Variants in PLXND1 observed in about 807,000 individuals in gnomAD.
PLXND1 encodes plexin D1, also known as plexin-D1.
PLXND1 carries 54 observed loss-of-function variants against 197.7 expected under a neutral mutation model. The observed-to-expected ratio is 0.27, with a 90% CI of 0.22 to 0.34. PLXND1 has a LOEUF of 0.34. Ranked by LOEUF, PLXND1 falls within the 10% of genes least tolerant of loss-of-function variation. The pLI is 1.00. For missense variants in PLXND1, 2,127 were observed against 2,699.2 expected (o/e 0.79, Z 4.70); for synonymous variants, 1,180 against 1,161.2 (o/e 1.02, Z -0.33).
intron 8 of PLXND1, among the ~76,000 whole-genome samples, chr3:129,582,202 G>A (rs140816861): frequency 1.3e-5 from 2 of 152,396 alleles, no homozygotes; most frequent in African/African-American, 4.8e-5. Flanking sequence ...GAGGTGCTGC[G>A]CACTGCGAGC....
chr3:129,594,869 TA>T (rs34247242), intron 1 of PLXND1, among the ~76,000 whole-genome samples: 42 of 145,578 alleles, frequency 2.9e-4, no homozygotes, highest in South Asian at 4.3e-4. Context: ...GTTTATTTTG[TA>T]AAAAAAAAAA....
chr3:129,604,370 T>G (rs942383920), intron 1 of PLXND1, among the ~76,000 whole-genome samples: 4 of 152,242 alleles, frequency 2.6e-5, no homozygotes, highest in Non-Finnish European at 5.9e-5. Flanking sequence ...ACACAGATGC[T>G]GAGGCCAGAC....
intron 8 of PLXND1, among the ~76,000 whole-genome samples, chr3:129,579,144 T>A (rs538288580): frequency 6.8e-6 from 1 of 148,034 alleles, no homozygotes; most frequent in Non-Finnish European, 1.5e-5. Flanking sequence ...AGCTGCTTCA[T>A]GGAACGAAAG....
intron 1 of PLXND1, 143 bp from the exon 2 acceptor site, chr3:129,589,670 C>G: frequency 1.4e-6 from 1 of 717,810 alleles, no homozygotes; most frequent in Non-Finnish European, 2.2e-6. Context: ...CAGCTGAGGC[C>G]CAAACACAAA....
At chr3:129,561,393 C>G (rs1409154698) in intron 29 of PLXND1, among the ~76,000 whole-genome samples, 3 of 152,228 alleles carry the variant, frequency 2.0e-5, no homozygotes, top group African/African-American at 7.2e-5. Flanking sequence ...CTGCCCAGAC[C>G]TCCTGGAACT....
chr3:129,570,415 T>C (rs2625975), intron 19 of PLXND1, among the ~76,000 whole-genome samples: 39,155 of 151,858 alleles, frequency 0.26, 5,195 homozygotes, highest in East Asian at 0.38. Flanking sequence ...GAGAGTGAGC[T>C]CCCCATCCCA....
chr3:129,565,005 A>AG (rs2085117372), intron 25 of PLXND1, among the ~76,000 whole-genome samples: 1 of 152,232 alleles, frequency 6.6e-6, no homozygotes, highest in South Asian at 2.1e-4. Context: ...GAGAGCCTCA[A>AG]GGGCCAGCCA....
chr3:129,584,266 G>A, intron 6 of PLXND1, 33 bp from the exon 7 acceptor site: 1 of 1,591,456 alleles, frequency 6.3e-7, no homozygotes, highest in Non-Finnish European at 8.6e-7. Flanking sequence ...GGGAGGACAT[G>A]GGGGCAGGGG....
Position 129,605,689 on chromosome 3 carries a change from C to T in PLXND1, c.951G>A (p.Leu317=), listed in dbSNP as rs974290367. ...AGDKESQARS[L]LARICLPHGA... is the part of the protein sequence containing the mutation. ...CGTGGGGCAGGCAGATGCGCGCCAG[C>T]AGGCTCCGCGCCTGGCTCTCCTTGT... Residue 317 remains leucine, a synonymous_variant, in exon 1 of 36, where the codon CTG becomes CTA. Coordinates refer to ENST00000324093, the MANE Select transcript of PLXND1 (RefSeq NM_015103.3). The T allele has an allele frequency of 1.2e-5, 19 of 1,538,156 alleles. No homozygotes were observed. The highest frequency in any genetic ancestry group is 1.5e-5 in the Non-Finnish European group (17 of 1,144,894).
At position 129,570,236 on chromosome 3, in the gene PLXND1, G is replaced by A. The variant is rs565013553; in HGVS notation, c.3751-279C>T. Among the ~76,000 whole-genome samples the A allele has an allele frequency of 2.0e-5, 3 of 152,294 alleles. No homozygotes were observed. In the East Asian group the frequency reaches 5.8e-4, roughly 29 times the overall value. On this transcript the variant is annotated intron_variant, in intron 19 of 35. Transcript: ENST00000324093. ...GGGAGGAGTAGTGAGTGAGCAAGAG[G>A]AAGCAGTTCACGGGGCCTGGCTGCT...
At chr3:129,599,214 G>C (rs529729348) in intron 1 of PLXND1, among the ~76,000 whole-genome samples, 1 of 152,160 alleles carries the variant, frequency 6.6e-6, no homozygotes, top group East Asian at 1.9e-4. Context: ...CATGGAGACC[G>C]GGAGTCACAG....
rs183670167 is a variant in PLXND1 at position 129,589,594 on chromosome 3, G to A, written c.1312-67C>T. Reference sequence around the variant, plus strand: ...TCTCCGGCTCCCCGCCCGCACAGCTGGCTGGGATCTCAGGCCCTGGCATCA... The same window carrying A: ...TCTCCGGCTCCCCGCCCGCACAGCTAGCTGGGATCTCAGGCCCTGGCATCA... On this transcript the variant is annotated intron_variant, in intron 1 of 35. Coordinates refer to ENST00000324093, the MANE Select transcript of PLXND1 (RefSeq NM_015103.3). 7.6e-4 allele frequency: 1,040 copies of A among 1,374,004 alleles called. 19 individuals are homozygous for A. In the Admixed American group the frequency reaches 0.02, roughly 27 times the overall value. The allele number at this position is 1,374,004 out of a possible 1,614,324, so 85.1% of individuals were successfully genotyped here.
chr3:129,567,567 G>A lies in PLXND1; in HGVS notation c.4011C>T (p.Thr1337=), dbSNP rs560898790. ...TGCCCTGGCTGCGGTTCAGCTCCTT[G>A]GTGAGATCTGTCATGTCTGTCTGCA... ...AELQTDMTDL[T]KELNRSQGIP... Residue 1337 remains threonine (T), a synonymous_variant, in exon 22 of 36, where the codon ACC becomes ACT. Transcript: ENST00000324093. The A allele has an allele frequency of 6.2e-7, 1 of 1,612,166 alleles. No homozygotes were observed. The highest frequency in any genetic ancestry group is 2.2e-5 in the East Asian group (1 of 44,826).
At chr3:129,563,366 AAC>A (rs2085091242) in intron 25 of PLXND1, 126 bp from the exon 26 acceptor site, 2 of 716,524 alleles carry the variant, frequency 2.8e-6, no homozygotes, top group African/African-American at 3.6e-5. Context: ...TCCTGGTGTC[AAC>A]ACTCTCCTCT....
chr3:129,565,318 G>C (rs2085122555), intron 25 of PLXND1, 22 bp downstream of exon 25: 2 of 1,607,284 alleles, frequency 1.2e-6, no homozygotes, highest in Non-Finnish European at 8.5e-7. Flanking sequence ...CCTGGGCTCT[G>C]TCTGTCCCCA....
rs139940603 is a variant in PLXND1, at chr3:129,560,392, G to A, written c.5071C>T (p.Arg1691Trp). 73 of 1,613,974 alleles carry A rather than the reference G, an allele frequency of 4.5e-5. No individual in the cohort carries two copies. Among genetic ancestry groups the A allele is most frequent in the African/African-American group, 1.1e-4 (8 of 75,036 alleles). ...AGCACCTTCTTGCGATGGCTCTGCC[G>A]GTGAGACTTCTTGGGCTCCGCCAGC... ...DELAEPKKSH[R>W]QSHRKKVLPE... The change falls in exon 31 of 36, where the codon CGG (arginine) becomes TGG (tryptophan). Residue 1691 changes from arginine (R) to tryptophan (W), a missense_variant. By Grantham distance (101) the Arg-to-Trp change is moderately radical. Transcript: ENST00000324093.
Position 129,577,638 on chromosome 3 carries a change from G to A in PLXND1, c.2346+691C>T, listed in dbSNP as rs532972657. Among the ~76,000 whole-genome samples, 331 of 152,242 alleles carry A rather than the reference G, an allele frequency of 2.2e-3. 2 individuals are homozygous for A. The highest frequency in any genetic ancestry group is 4.0e-4 in the Non-Finnish European group (27 of 68,014). ...GGCGAGTTCCAGGGAGGTGGGGAGG[G>A]GGGTGGCTGGCACGCCTCCAGGACT... On this transcript the variant is annotated intron_variant, in intron 9 of 35. Transcript: ENST00000324093. This position sits in a 1 kb window ranked among gnomAD's most constrained non-coding sequence, Gnocchi z 5.0.
At chr3:129,573,045 G>A (rs1214536727) in intron 13 of PLXND1, 104 bp from the exon 14 acceptor site, 4 of 742,832 alleles carry the variant, frequency 5.4e-6, no homozygotes, top group Admixed American at 2.1e-5. Context: ...CACTTCCAAT[G>A]CCTTCTATGT....
rs763974908 is a variant in PLXND1 at position 129,555,477 on chromosome 3, C to A, written c.*835G>T. ...ATGGGGAGCCTCTCGGGACCCCTCC[C>A]CGGGTCCTCTGCGCAAGCGGCAGCT... On this transcript the variant is annotated 3_prime_UTR_variant, in exon 36 of 36. Coordinates refer to ENST00000324093, the MANE Select transcript of PLXND1 (RefSeq NM_015103.3). 48 of 681,690 alleles carry A rather than the reference C, an allele frequency of 7.0e-5. No homozygotes were observed. The highest frequency in any genetic ancestry group is 1.2e-4 in the Non-Finnish European group (45 of 379,900). The allele number at this position is 681,690 out of a possible 1,614,324, so 42.2% of individuals were successfully genotyped here.
Sources: gnomAD v4.1 joint callset for allele counts (sites outside exome capture counted in the v4.1 genomes callset) on GRCh38, gnomAD v4.1.1 for gene constraint, Gnocchi (gnomAD v3.1) non-coding constraint, MANE v1.5 for transcripts, NCBI Gene and HGNC (gene_info 2026-07-23, HGNC 2026-07-21) for gene names.